Variants in ADAM11 observed in about 807,000 individuals in gnomAD.
The protein encoded by ADAM11 is disintegrin and metalloproteinase domain-containing protein 11.
Under a neutral mutation model 119.1 loss-of-function variants are expected in ADAM11, and 49 were observed. That is an observed-to-expected ratio of 0.41 (90% CI 0.33 to 0.52). The LOEUF is 0.52. Ranked by LOEUF, ADAM11 falls within the 20% of genes least tolerant of loss-of-function variation. ADAM11 has a pLI of 0.20. For missense variants in ADAM11, 777 were observed against 1,047.5 expected (o/e 0.74, Z 3.56); for synonymous variants, 364 against 408.0 (o/e 0.89, Z 1.30).
chr17:44,771,537 G>A (rs1046726802), intron 4 of ADAM11, 47 bp from the exon 5 acceptor site: 17 of 1,586,564 alleles, frequency 1.1e-5, no homozygotes, highest in Non-Finnish European at 1.5e-5. Flanking sequence ...CCCATTGGCT[G>A]CCCCCGGCCT....
chr17:44,778,924 G>T (rs1313495208), intron 25 of ADAM11, among the ~76,000 whole-genome samples: 4 of 152,050 alleles, frequency 2.6e-5, no homozygotes, highest in Non-Finnish European at 5.9e-5. Context: ...ATAATGCTTT[G>T]TGCGTGTCTA....
chr17:44,766,299 T>G (rs1268399157), intron 2 of ADAM11, among the ~76,000 whole-genome samples: 1 of 152,192 alleles, frequency 6.6e-6, no homozygotes, highest in African/African-American at 2.4e-5. Flanking sequence ...CTGGAGAATT[T>G]GAGAATCCTA....
In ADAM11 at chr17:44,775,819, C is replaced by A; in HGVS notation, c.1485+143C>A. The A allele has an allele frequency of 1.1e-6, 1 of 883,314 alleles. No individual in the cohort carries two copies. Among genetic ancestry groups the A allele is most frequent in the Non-Finnish European group, 1.7e-6 (1 of 594,896 alleles). 54.7% of individuals were successfully genotyped at this position (883,314 alleles called of 1,614,324 possible). On this transcript the variant is annotated intron_variant, in intron 17 of 26. Transcript: ENST00000200557. The surrounding 1 kb of genome is among the most constrained non-coding windows in gnomAD (Gnocchi z 7.5). ...GCAGGGCTTGATGCGAAGACAGCGC[C>A]AATGGGGAGCAAGGGGCGGGGCTGA...
intron 2 of ADAM11, among the ~76,000 whole-genome samples, chr17:44,760,727 G>A (rs2145201521): frequency 6.6e-6 from 1 of 152,206 alleles, no homozygotes; most frequent in Admixed American, 6.5e-5. Context: ...CTGAGGCCTG[G>A]GAAGTTTTGG....
chr17:44,775,514 G>A lies in ADAM11; in HGVS notation c.1392+49G>A. 1.3e-6 allele frequency: 2 copies of A among 1,577,046 alleles called. No individual in the cohort carries two copies. The highest frequency in any genetic ancestry group is 8.6e-7 in the Non-Finnish European group (1 of 1,165,232). On this transcript the variant is annotated intron_variant, in intron 16 of 26. Transcript: ENST00000200557. This position sits in a 1 kb window ranked among gnomAD's most constrained non-coding sequence, Gnocchi z 7.5. Reference sequence around the variant, plus strand: ...GTGGGGAACCGGGATGCGGGGGTGGGCACGAGGGAGCGTCTGAGTGGGAGG... The same window carrying A: ...GTGGGGAACCGGGATGCGGGGGTGGACACGAGGGAGCGTCTGAGTGGGAGG...
In ADAM11 at chr17:44,776,057, C is replaced by CG; in HGVS notation, c.1486-69dup. 1.3e-6 allele frequency: 2 copies of CG among 1,562,054 alleles called. No homozygotes were observed. The highest frequency in any genetic ancestry group is 1.8e-6 in the Non-Finnish European group (2 of 1,138,966). On this transcript the variant is annotated intron_variant, in intron 17 of 26. Transcript: ENST00000200557. The surrounding 1 kb of genome is among the most constrained non-coding windows in gnomAD (Gnocchi z 5.2). ...CCCGGGGATGTGGGGGTCCAGAGAG[C>CG]GAGGGGCCTGGGGAGGGCAGGGCCG...
rs927487215 is a variant in ADAM11, at chr17:44,780,300, C to T, written c.*546C>T. The T allele has an allele frequency of 5.1e-6, 2 of 392,444 alleles. No individual in the cohort carries two copies. Among genetic ancestry groups the T allele is most frequent in the African/African-American group, 4.2e-5 (2 of 47,370 alleles). The allele number at this position is 392,444 out of a possible 1,614,324, so 24.3% of individuals were successfully genotyped here. On this transcript the variant is annotated 3_prime_UTR_variant, in exon 27 of 27. Coordinates refer to ENST00000200557, the MANE Select transcript of ADAM11 (RefSeq NM_002390.6). ...GGGCCCGGAGAAACTGAGGTATGGC[C>T]ATGCCCTAGACCCTCCCCAAGGATG...
intron 2 of ADAM11, among the ~76,000 whole-genome samples, chr17:44,769,178 C>T (rs920066718): frequency 2.0e-5 from 3 of 152,216 alleles, no homozygotes; most frequent in African/African-American, 7.2e-5. Context: ...ACCTGCCCGT[C>T]GCCCAGTTTC....
chr17:44,765,610 C>CTTTTTTTTT (rs748123040), intron 2 of ADAM11, among the ~76,000 whole-genome samples: 1,061 of 99,852 alleles, frequency 0.011, 6 homozygotes, highest in Non-Finnish European at 0.012. Context: ...TTTCTTTTCT[C>CTTTTTTTTT]TTTTTTTTTT....
intron 2 of ADAM11, among the ~76,000 whole-genome samples, chr17:44,765,752 C>A (rs2049442949): frequency 6.6e-6 from 1 of 151,408 alleles, no homozygotes. Context: ...TCTCGAGTAA[C>A]TGGGATTACA....
intron 2 of ADAM11, among the ~76,000 whole-genome samples, chr17:44,769,242 G>T (rs976865206): frequency 3.9e-5 from 6 of 152,196 alleles, no homozygotes; most frequent in Non-Finnish European, 8.8e-5. Context: ...GGCCTCCTAT[G>T]TAGATGGAGG....
intron 4 of ADAM11, 63 bp from the exon 5 acceptor site, chr17:44,771,521 T>C: frequency 5.2e-6 from 8 of 1,536,438 alleles, no homozygotes; most frequent in Non-Finnish European, 7.1e-6. Flanking sequence ...CCAAAAAGCC[T>C]TGAGGCCCAT....
Position 44,776,004 on chromosome 17 carries a change from T to C in ADAM11, c.1486-123T>C. ...GGGAGCAGGGAAATAAGAACAGGCC[T>C]GAAACGGGGCCCTGGGGAGCTGGAG... On this transcript the variant is annotated intron_variant, in intron 17 of 26. Coordinates refer to ENST00000200557, the MANE Select transcript of ADAM11 (RefSeq NM_002390.6). The surrounding 1 kb of genome is among the most constrained non-coding windows in gnomAD (Gnocchi z 5.2). The C allele has an allele frequency of 1.7e-6, 2 of 1,157,436 alleles. No individual in the cohort carries two copies. Among genetic ancestry groups the C allele is most frequent in the Non-Finnish European group, 2.5e-6 (2 of 795,108 alleles). 71.7% of individuals were successfully genotyped at this position (1,157,436 alleles called of 1,614,324 possible).
At chr17:44,765,709 C>T (rs2049442126) in intron 2 of ADAM11, among the ~76,000 whole-genome samples, 2 of 150,110 alleles carry the variant, frequency 1.3e-5, no homozygotes, top group Admixed American at 6.7e-5. Context: ...CAACCTCCGC[C>T]TCCCGGGTTC....
At chr17:44,767,301 G>A (rs1329366132) in intron 2 of ADAM11, among the ~76,000 whole-genome samples, 1 of 146,698 alleles carries the variant, frequency 6.8e-6, no homozygotes, top group Non-Finnish European at 1.5e-5. Flanking sequence ...GTTGCAGTGA[G>A]CTGAGATTGC....
At position 44,776,911 on chromosome 17, in the gene ADAM11, G is replaced by A. The variant is rs1260926911; in HGVS notation, c.1630G>A (p.Gly544Arg). The A allele has an allele frequency of 1.9e-6, 3 of 1,613,548 alleles. No homozygotes were observed. The highest frequency in any genetic ancestry group is 1.7e-5 in the Admixed American group (1 of 59,998). Residue 544 changes from glycine (G) to arginine (R), a missense_variant, in exon 20 of 27, where the codon GGA becomes AGA. Gly to Arg is a moderately radical substitution (Grantham distance 125). This residue lies in a region of ADAM11 where 348 missense variants were observed against 486.7 expected (regional missense o/e 0.72). Coordinates refer to ENST00000200557, the MANE Select transcript of ADAM11 (RefSeq NM_002390.6). The surrounding 1 kb of genome is among the most constrained non-coding windows in gnomAD (Gnocchi z 5.2). ...YCDHEQGRCY[G>R]GRCKTRDRQC... ...CTTGGACTCTCAGGGCCGCTGCTACGGAGGTCGCTGCAAAACCCGGGACCG... is the reference window on the plus strand; with the variant it reads ...CTTGGACTCTCAGGGCCGCTGCTACAGAGGTCGCTGCAAAACCCGGGACCG...
Position 44,772,424 on chromosome 17 carries a change from G to C in ADAM11, c.636G>C (p.Gln212His), listed in dbSNP as rs1464858262. Residue 212 changes from glutamine to histidine, a missense_variant, in exon 8 of 27, where the codon CAG becomes CAC. Around this residue, in one of 4 missense-constraint regions of ADAM11, gnomAD observed 278 missense variants for 310.1 expected, o/e 0.90. Coordinates refer to ENST00000200557, the MANE Select transcript of ADAM11 (RefSeq NM_002390.6). This position sits in a 1 kb window ranked among gnomAD's most constrained non-coding sequence, Gnocchi z 4.5. ...EPGCLFAVPA[Q>H]SAPPNRPRLR... ...GCTGCCTGTTTGCTGTGCCTGCCCA[G>C]TCGGCTCCTCCAAACCGGCCGAGGC... 6.3e-7 allele frequency: 1 copy of C among 1,578,062 alleles called. No individual in the cohort carries two copies. Among genetic ancestry groups the C allele is most frequent in the Admixed American group, 1.8e-5 (1 of 54,928 alleles).
chr17:44,772,564 TG>T lies in ADAM11; in HGVS notation c.678+102del. The T allele has an allele frequency of 7.0e-7, 1 of 1,431,262 alleles. No homozygotes were observed. Among genetic ancestry groups the T allele is most frequent in the Non-Finnish European group, 9.5e-7 (1 of 1,055,520 alleles). 88.7% of individuals were successfully genotyped at this position (1,431,262 alleles called of 1,614,324 possible). ...GCAGGAGGGCACCCTCATCTATGGC[TG>T]GGGCGAAGGAAGGCTCAGATGGATG... On this transcript the variant is annotated intron_variant, in intron 8 of 26. Coordinates refer to ENST00000200557, the MANE Select transcript of ADAM11 (RefSeq NM_002390.6). The surrounding 1 kb of genome is among the most constrained non-coding windows in gnomAD (Gnocchi z 4.5).
chr17:44,777,075 AGG>A lies in ADAM11; in HGVS notation c.1682-89_1682-88del. On this transcript the variant is annotated intron_variant, in intron 20 of 26. Coordinates refer to ENST00000200557, the MANE Select transcript of ADAM11 (RefSeq NM_002390.6). The surrounding 1 kb of genome is among the most constrained non-coding windows in gnomAD (Gnocchi z 5.1). The stretch of plus-strand genomic sequence containing the variant: ...CAAGTGTGTAGCTCCCCAGGATCTC[AGG>A]GACCCAGGCAGAGTGTGGGAGATGC... 1 of 1,540,142 alleles carries A rather than the reference AGG, an allele frequency of 6.5e-7. No individual in the cohort carries two copies. Among genetic ancestry groups the A allele is most frequent in the Non-Finnish European group, 8.8e-7 (1 of 1,135,564 alleles).
Sources: allele counts gnomAD v4.1 joint callset (sites outside exome capture counted in the v4.1 genomes callset), GRCh38; gene constraint gnomAD v4.1.1; regional missense constraint gnomAD v4.1.1; non-coding constraint Gnocchi (gnomAD v3.1); transcripts MANE v1.5; gene names NCBI Gene and HGNC (gene_info 2026-07-23, HGNC 2026-07-21).